CACNA2D1: variants seen among roughly 807,000 people sequenced by gnomAD.
The protein encoded by CACNA2D1 is calcium voltage-gated channel auxiliary subunit alpha2delta 1.
In CACNA2D1, 53 loss-of-function variants were observed where a neutral mutation model predicts 171.5. The observed-to-expected ratio is 0.31, with a 90% CI of 0.25 to 0.39. CACNA2D1 has a LOEUF of 0.39. Among genes scored for constraint, CACNA2D1 ranks in the 10% least tolerant of loss-of-function variants. The pLI is 1.00. For missense variants in CACNA2D1, 903 were observed against 1,299.8 expected (o/e 0.69, Z 4.69); for synonymous variants, 442 against 443.1 (o/e 1.00, Z 0.03).
intron 7 of CACNA2D1, among the ~76,000 whole-genome samples, chr7:82,067,245 C>T (rs1030366668): frequency 6.6e-6 from 1 of 152,038 alleles, no homozygotes; most frequent in African/African-American, 2.4e-5. Flanking sequence ...TACATGCATG[C>T]ACACCTTAGA....
At chr7:81,988,121 G>A (rs1276234420) in intron 21 of CACNA2D1, among the ~76,000 whole-genome samples, 1 of 152,130 alleles carries the variant, frequency 6.6e-6, no homozygotes, top group Admixed American at 6.5e-5. Flanking sequence ...AAAGAACCCA[G>A]TTTTTCTCAG....
At chr7:82,207,580 T>C (rs919126972) in intron 3 of CACNA2D1, among the ~76,000 whole-genome samples, 2 of 152,072 alleles carry the variant, frequency 1.3e-5, no homozygotes, top group Admixed American at 6.6e-5. Context: ...GTATACTAAT[T>C]TGGAGGCTGC....
At chr7:82,276,165 T>G (rs137999567) in intron 3 of CACNA2D1, among the ~76,000 whole-genome samples, 94 of 152,300 alleles carry the variant, frequency 6.2e-4, no homozygotes, top group African/African-American at 1.9e-3. Flanking sequence ...TAGATAAACT[T>G]TATAGTGGAC....
chr7:82,310,911 T>C (rs1048123275), intron 3 of CACNA2D1, among the ~76,000 whole-genome samples: 6 of 152,142 alleles, frequency 3.9e-5, no homozygotes, highest in African/African-American at 1.4e-4. Flanking sequence ...AATTAAGTGT[T>C]CTGACCACAA....
chr7:82,341,816 G>C (rs1005672931), intron 2 of CACNA2D1, among the ~76,000 whole-genome samples: 3 of 151,876 alleles, frequency 2.0e-5, no homozygotes, highest in Non-Finnish European at 4.4e-5. Flanking sequence ...GGGAGGCCGA[G>C]GTGGGCGGAT....
intron 19 of CACNA2D1, 30 bp downstream of exon 19, chr7:81,997,149 G>A: frequency 7.8e-7 from 1 of 1,280,460 alleles, no homozygotes; most frequent in South Asian, 1.2e-5. Flanking sequence ...CTGACCTGAG[G>A]AATTGTTTAG....
intron 6 of CACNA2D1, among the ~76,000 whole-genome samples, chr7:82,088,391 T>C (rs1420814421): frequency 6.6e-6 from 1 of 152,176 alleles, no homozygotes; most frequent in Non-Finnish European, 1.5e-5. Context: ...TATGAAACTG[T>C]ATTTTTCATT....
intron 3 of CACNA2D1, among the ~76,000 whole-genome samples, chr7:82,222,070 T>A (rs17156026): frequency 0.048 from 7,330 of 152,186 alleles, 438 homozygotes; most frequent in Admixed American, 0.13. Context: ...CAGCAGAATA[T>A]TGTTAAAAGA....
At chr7:81,975,112 G>A (rs37076) in intron 24 of CACNA2D1, among the ~76,000 whole-genome samples, 94,612 of 151,636 alleles carry the variant, frequency 0.62, 29,682 homozygotes, top group Non-Finnish European at 0.66. Flanking sequence ...AATATCAGTG[G>A]ATTGTGTTTA....
intron 11 of CACNA2D1, among the ~76,000 whole-genome samples, chr7:82,035,285 G>A (rs1803170968): frequency 6.6e-6 from 1 of 151,664 alleles, no homozygotes; most frequent in African/African-American, 2.4e-5. Context: ...CTTTGGGACT[G>A]ATATGTCTAA....
intron 12 of CACNA2D1, among the ~76,000 whole-genome samples, chr7:82,021,639 A>T (rs1801224657): frequency 6.6e-6 from 1 of 152,108 alleles, no homozygotes; most frequent in Non-Finnish European, 1.5e-5. Context: ...TATGTTTACA[A>T]ATGTATACAA....
intron 4 of CACNA2D1, among the ~76,000 whole-genome samples, chr7:82,137,717 A>AAAAAAAAAAAAAAAAC (rs1791821073): frequency 8.5e-6 from 1 of 117,040 alleles, no homozygotes; most frequent in Non-Finnish European, 1.7e-5. Flanking sequence ...TAAAAAAAAA[A>AAAAAAAAAAAAAAAAC]AAAAAAAAAA....
chr7:82,008,480 T>C (rs1240286940), intron 15 of CACNA2D1, among the ~76,000 whole-genome samples: 1 of 152,128 alleles, frequency 6.6e-6, no homozygotes, highest in East Asian at 1.9e-4. Flanking sequence ...ATTTAATACA[T>C]TAAATGAATC....
At chr7:82,005,316 T>G in intron 18 of CACNA2D1, 107 bp downstream of exon 18, 1 of 748,674 alleles carries the variant, frequency 1.3e-6, no homozygotes, top group South Asian at 1.5e-5. Flanking sequence ...GAGACTGTAC[T>G]TTGATATTTA....
intron 3 of CACNA2D1, among the ~76,000 whole-genome samples, chr7:82,221,350 A>T (rs1364452934): frequency 6.6e-6 from 1 of 152,210 alleles, no homozygotes; most frequent in Admixed American, 6.5e-5. Flanking sequence ...ATATCAAAAA[A>T]ATATGATGAC....
intron 3 of CACNA2D1, among the ~76,000 whole-genome samples, chr7:82,277,544 A>T (rs566321200): frequency 6.6e-6 from 1 of 152,160 alleles, no homozygotes; most frequent in African/African-American, 2.4e-5. Context: ...CTGGAAAAGT[A>T]AAATTGCTGG....
intron 1 of CACNA2D1, among the ~76,000 whole-genome samples, chr7:82,422,603 C>T (rs1053747240): frequency 3.3e-5 from 5 of 152,096 alleles, no homozygotes; most frequent in African/African-American, 4.8e-5. Flanking sequence ...AAACACATAA[C>T]TCTGATTTTC....
intron 5 of CACNA2D1, among the ~76,000 whole-genome samples, chr7:82,136,105 T>C (rs1474677363): frequency 6.6e-6 from 1 of 152,222 alleles, no homozygotes; most frequent in Non-Finnish European, 1.5e-5. Context: ...TTTCAAGTCA[T>C]TTAAATGTGT....
chr7:82,214,353 T>C (rs549500808), intron 3 of CACNA2D1, among the ~76,000 whole-genome samples: 3 of 152,288 alleles, frequency 2.0e-5, no homozygotes, highest in Admixed American at 6.5e-5. Context: ...ATAGTTAAGA[T>C]GCCTATTTCA....
Sources: gnomAD v4.1 joint callset for allele counts (sites outside exome capture counted in the v4.1 genomes callset) on GRCh38, gnomAD v4.1.1 for gene constraint, MANE v1.5 for transcripts, NCBI Gene and HGNC (gene_info 2026-07-23, HGNC 2026-07-21) for gene names.